BTD: variants seen among roughly 807,000 people sequenced by gnomAD.
BTD encodes biocytinase.
BTD carries 13 observed loss-of-function variants against 17.7 expected under a neutral mutation model. The observed-to-expected ratio is 0.74, with a 90% CI of 0.48 to 1.17. The LOEUF (loss-of-function observed/expected upper bound fraction) is 1.17, where lower values mean the gene tolerates loss of function less well. BTD is among the 50% of genes most tolerant of loss of function. The pLI is 0.00. For synonymous variants in BTD, 240 were observed against 245.2 expected (o/e 0.98, Z 0.20); for missense variants, 674 against 650.4 (o/e 1.04, Z -0.39).
At chr3:15,601,464 C>T (rs759702695), upstream of BTD, 3 of 1,613,046 alleles carry the variant, frequency 1.9e-6, no homozygotes, top group South Asian at 2.2e-5. Context: ...TGTCCGGCAT[C>T]TTCCACCGAA....
intron 1 of BTD, among the ~76,000 whole-genome samples, chr3:15,620,390 C>T (rs1051666812): frequency 3.9e-5 from 6 of 152,106 alleles, no homozygotes; most frequent in South Asian, 2.1e-4. Flanking sequence ...AAGAATTTAG[C>T]GATATGTTTC....
intron 1 of BTD, chr3:15,606,968 T>TTA (rs2125336764): frequency 6.6e-6 from 1 of 151,080 alleles, no homozygotes; most frequent in South Asian, 2.1e-4. Context: ...TTTTTTTTTT[T>TTA]AGCTCATCAG....
chr3:15,604,881 T>C (rs1253331240), intron 1 of BTD, among the ~76,000 whole-genome samples: 1 of 152,234 alleles, frequency 6.6e-6, no homozygotes, highest in Non-Finnish European at 1.5e-5. Flanking sequence ...TCCATATCAC[T>C]ATCAGCATTT....
In BTD at chr3:15,629,369, C is replaced by T. The variant is rs557497812; in HGVS notation, c.-16-6055C>T. ...CAATCAAAACTTCCAGGCATGGGCT[C>T]CAGAGATCTGTGTGTTCAAGCCTTC... On this transcript the variant is annotated intron_variant, in intron 1 of 3. Transcript: ENST00000643237. 3.0e-4 allele frequency among the ~76,000 whole-genome samples: 45 copies of T among 152,274 alleles called. 1 individual carries two copies. The highest frequency in any genetic ancestry group is 4.1e-4 in the African/African-American group (17 of 41,550).
chr3:15,614,125 C>CTTT (rs869148702), intron 1 of BTD, among the ~76,000 whole-genome samples: 3 of 125,322 alleles, frequency 2.4e-5, no homozygotes, highest in Non-Finnish European at 4.8e-5. Flanking sequence ...TTCTTTCTTT[C>CTTT]TTTTTTTTTT....
At chr3:15,625,506 A>G (rs1340874587) in intron 1 of BTD, among the ~76,000 whole-genome samples, 1 of 152,144 alleles carries the variant, frequency 6.6e-6, no homozygotes, top group Admixed American at 6.6e-5. Context: ...GCCTCCATCT[A>G]AGACTGGGTC....
At chr3:15,672,958 T>C (rs564803144) in intron 3 of BTD, among the ~76,000 whole-genome samples, 107 of 152,334 alleles carry the variant, frequency 7.0e-4, no homozygotes, top group African/African-American at 2.5e-3. Flanking sequence ...GTATTTTTAG[T>C]AGAGACGGGG....
chr3:15,677,354 G>T, intron 3 of BTD: 2 of 686,872 alleles, frequency 2.9e-6, no homozygotes, highest in East Asian at 5.5e-5. Context: ...TTTTGTTCAA[G>T]AAATCTAATA....
At chr3:15,627,467 A>G (rs1253891362) in intron 1 of BTD, among the ~76,000 whole-genome samples, 1 of 152,090 alleles carries the variant, frequency 6.6e-6, no homozygotes, top group Non-Finnish European at 1.5e-5. Context: ...GGCTCAAGCA[A>G]TCCTCCTGCC....
At chr3:15,602,423 T>A (rs1174593296) in intron 1 of BTD, 7 of 624,748 alleles carry the variant, frequency 1.1e-5, no homozygotes, top group Admixed American at 5.6e-5. Context: ...GTTGGGTCCC[T>A]ACCTACAACC....
intron 1 of BTD, among the ~76,000 whole-genome samples, chr3:15,608,092 G>C (rs778112985): frequency 4.6e-5 from 7 of 152,212 alleles, no homozygotes; most frequent in Non-Finnish European, 8.8e-5. Context: ...CCCAGTGCCT[G>C]ATGCCAGCTG....
downstream of BTD, among the ~76,000 whole-genome samples, chr3:15,655,479 C>T (rs1367385673): frequency 2.0e-5 from 3 of 152,114 alleles, no homozygotes; most frequent in African/African-American, 7.2e-5. Context: ...GTAAAAGGGA[C>T]ATATGTCACA....
chr3:15,616,139 G>C (rs368493642), intron 1 of BTD, among the ~76,000 whole-genome samples: 2 of 152,116 alleles, frequency 1.3e-5, no homozygotes, highest in African/African-American at 4.8e-5. Flanking sequence ...GGAGACATAA[G>C]TTTTCTACTC....
chr3:15,635,810 A>T lies in BTD; in HGVS notation c.249+122A>T. ...CCTCTGAAAAAGCATCCAGGTAGTT[A>T]ACCTGAGTTGAGTTAGTCAGTTGAA... On this transcript the variant is annotated intron_variant, in intron 2 of 3. Transcript: ENST00000643237. The surrounding 1 kb of genome is among the most constrained non-coding windows in gnomAD (Gnocchi z 4.1). The T allele has an allele frequency of 5.0e-6, 7 of 1,412,616 alleles. No individual in the cohort carries two copies. Among genetic ancestry groups the T allele is most frequent in the Middle Eastern group, 2.4e-4 (1 of 4,110 alleles). The allele number at this position is 1,412,616 out of a possible 1,614,324, so 87.5% of individuals were successfully genotyped here. A position where few individuals can be genotyped will look rare whatever the true frequency, so the allele number is the denominator to read the frequency against.
At chr3:15,717,003 T>G (rs530120063), downstream of BTD, among the ~76,000 whole-genome samples, 1 of 152,260 alleles carries the variant, frequency 6.6e-6, no homozygotes, top group South Asian at 2.1e-4. Flanking sequence ...CAAATCTACT[T>G]CATATATATT....
At chr3:15,640,737 A>G (rs931771222) in intron 2 of BTD, among the ~76,000 whole-genome samples, 1 of 152,172 alleles carries the variant, frequency 6.6e-6, no homozygotes, top group Admixed American at 6.5e-5. Flanking sequence ...GTAAAACCAT[A>G]TATTTATTAT....
In BTD at chr3:15,644,526, C is replaced by G. The variant is rs145303558; in HGVS notation, c.610C>G (p.Pro204Ala). ...NLYFEAAFDV[P>A]LKVDLITFDT... ...CTACTTTGAGGCAGCATTCGATGTT[C>G]CTCTTAAAGTGGATCTCATCACCTT... is the stretch of plus-strand genomic sequence containing the variant. Residue 204 changes from proline to alanine, a missense_variant, in exon 4 of 4, where the codon CCT (proline) becomes GCT (alanine). Coordinates refer to ENST00000643237, the MANE Select transcript of BTD (RefSeq NM_001370658.1). 14 of 1,614,134 alleles carry G rather than the reference C, an allele frequency of 8.7e-6. No homozygotes were observed. Among genetic ancestry groups the G allele is most frequent in the Non-Finnish European group, 1.1e-5 (13 of 1,180,036 alleles).
At chr3:15,720,932 C>A in intron 4 of BTD, 1 of 1,613,508 alleles carries the variant, frequency 6.2e-7, no homozygotes, top group Middle Eastern at 1.7e-4. Context: ...TTGACATCGG[C>A]CCCATTGCCA....
downstream of BTD, among the ~76,000 whole-genome samples, chr3:15,716,502 T>C (rs1348987521): frequency 6.6e-6 from 1 of 152,046 alleles, no homozygotes; most frequent in Non-Finnish European, 1.5e-5. Flanking sequence ...CAGGCTGGTT[T>C]TGAACTCTTG....
Sources: gnomAD v4.1 joint callset for allele counts (sites outside exome capture counted in the v4.1 genomes callset) on GRCh38, gnomAD v4.1.1 for gene constraint, Gnocchi (gnomAD v3.1) non-coding constraint, MANE v1.5 for transcripts, NCBI Gene and HGNC (gene_info 2026-07-23, HGNC 2026-07-21) for gene names.